Variants in RORA observed in about 807,000 individuals in gnomAD.
The protein encoded by RORA is RAR related orphan receptor A.
A neutral mutation model predicts 69.5 loss-of-function variants in RORA; 7 were observed. That is an observed-to-expected ratio of 0.10 (90% CI 0.06 to 0.19). The LOEUF is 0.19. RORA is among the 10% of genes least tolerant of loss of function. The probability of loss-of-function intolerance (pLI) is 1.00; values close to 1 mark genes in which losing one functional copy is unlikely to be tolerated. For synonymous variants in RORA, 261 were observed against 240.8 expected, an observed-to-expected ratio of 1.08 and a Z score of -0.78; for missense variants, 457 against 663.0, an observed-to-expected ratio of 0.69 and a Z score of 3.41.
chr15:60,739,918 CT>C (rs1320533474), intron 1 of RORA, among the ~76,000 whole-genome samples: 1 of 152,126 alleles, frequency 6.6e-6, no homozygotes, highest in Non-Finnish European at 1.5e-5. Flanking sequence ...GAAAGAAACA[CT>C]CAGCTTGCCC....
At chr15:60,592,332 C>T (rs2140524542) in intron 2 of RORA, 2 of 1,300,606 alleles carry the variant, frequency 1.5e-6, no homozygotes, top group South Asian at 1.8e-5. Context: ...GCGCCCTCCT[C>T]CCCGCCCCCC....
chr15:60,883,240 C>T (rs137927367), intron 1 of RORA, among the ~76,000 whole-genome samples: 7 of 150,678 alleles, frequency 4.6e-5, no homozygotes, highest in African/African-American at 9.8e-5. Flanking sequence ...TATTTATTGC[C>T]GGTGTGAGCA....
intron 1 of RORA, among the ~76,000 whole-genome samples, chr15:60,938,114 A>C (rs1382289635): frequency 1.3e-5 from 2 of 152,228 alleles, no homozygotes; most frequent in South Asian, 2.1e-4. Context: ...TGTTGCCCTA[A>C]AGGGAGTGAA....
intron 2 of RORA, among the ~76,000 whole-genome samples, chr15:60,643,601 A>G (rs2069983599): frequency 6.6e-6 from 1 of 152,202 alleles, no homozygotes; most frequent in Non-Finnish European, 1.5e-5. Flanking sequence ...TTTTCTACCT[A>G]TGCCTTCCAG....
At chr15:60,845,068 T>C (rs1025237080) in intron 1 of RORA, among the ~76,000 whole-genome samples, 2 of 152,096 alleles carry the variant, frequency 1.3e-5, no homozygotes, top group Non-Finnish European at 2.9e-5. Context: ...CTAAATATTA[T>C]AGTTAAAGTG....
intron 1 of RORA, among the ~76,000 whole-genome samples, chr15:60,758,357 G>A (rs970770415): frequency 2.0e-5 from 3 of 152,138 alleles, no homozygotes; most frequent in African/African-American, 4.8e-5. Flanking sequence ...GCCAGGTCTC[G>A]AGCACAGTAC....
chr15:60,815,960 GTATA>G (rs1567200663), intron 1 of RORA, among the ~76,000 whole-genome samples: 187 of 144,490 alleles, frequency 1.3e-3, no homozygotes, highest in African/African-American at 4.4e-3. Flanking sequence ...ACTATAAATA[GTATA>G]TGTATTTATT....
At chr15:61,001,976 A>T (rs1435639822) in intron 1 of RORA, among the ~76,000 whole-genome samples, 1 of 152,210 alleles carries the variant, frequency 6.6e-6, no homozygotes, top group African/African-American at 2.4e-5. Flanking sequence ...CTTCAAACAG[A>T]GCGTGGCCCA....
intron 1 of RORA, among the ~76,000 whole-genome samples, chr15:60,796,200 G>C (rs1469035144): frequency 6.6e-6 from 1 of 152,162 alleles, no homozygotes; most frequent in African/African-American, 2.4e-5. Context: ...ATCACAGTGA[G>C]GGTGGTATTC....
chr15:61,177,544 A>G (rs2079640761), intron 1 of RORA, among the ~76,000 whole-genome samples: 1 of 152,216 alleles, frequency 6.6e-6, no homozygotes, highest in South Asian at 2.1e-4. Context: ...CTTCCATCAC[A>G]TAACTGTTCG....
At chr15:61,007,917 G>A (rs919677298) in intron 1 of RORA, among the ~76,000 whole-genome samples, 3 of 150,080 alleles carry the variant, frequency 2.0e-5, no homozygotes, top group South Asian at 2.1e-4. Context: ...TAGAAAATTA[G>A]GATAAAAGAA....
At chr15:60,592,950 A>G (rs1370217426) in intron 2 of RORA, 2 of 455,070 alleles carry the variant, frequency 4.4e-6, no homozygotes, top group South Asian at 3.1e-5. Flanking sequence ...GGGGCGATAA[A>G]TGCGCCAGCT....
chr15:60,797,505 TCA>T (rs2072515273), intron 1 of RORA, among the ~76,000 whole-genome samples: 1 of 152,146 alleles, frequency 6.6e-6, no homozygotes, highest in Non-Finnish European at 1.5e-5. Flanking sequence ...CAATCACATC[TCA>T]TGGCAGCTCA....
intron 1 of RORA, among the ~76,000 whole-genome samples, chr15:61,159,297 C>T (rs1030879283): frequency 1.3e-5 from 2 of 152,148 alleles, no homozygotes; most frequent in Admixed American, 6.5e-5. Context: ...TTCCTATTTA[C>T]CCATCTACCC....
At chr15:60,948,830 G>C (rs1449791035) in intron 1 of RORA, among the ~76,000 whole-genome samples, 1 of 152,150 alleles carries the variant, frequency 6.6e-6, no homozygotes. Context: ...CTAGAAACTA[G>C]AACCTGTTTC....
chr15:60,829,533 C>T (rs574797301), intron 1 of RORA, among the ~76,000 whole-genome samples: 2 of 152,340 alleles, frequency 1.3e-5, no homozygotes, highest in East Asian at 3.9e-4. Flanking sequence ...AAACTTCACA[C>T]ATCTGGAGGC....
chr15:60,844,993 C>T (rs769679818), intron 1 of RORA, among the ~76,000 whole-genome samples: 18 of 152,022 alleles, frequency 1.2e-4, no homozygotes, highest in Non-Finnish European at 1.0e-4. Flanking sequence ...AAACCAAACC[C>T]ACCCTTGTTT....
chr15:61,223,314 CAAAAA>C (rs10685041), intron 1 of RORA, among the ~76,000 whole-genome samples: 8 of 96,256 alleles, frequency 8.3e-5, no homozygotes, highest in African/African-American at 1.3e-4. Context: ...GACTCTGTCT[CAAAAA>C]AAAAAAAAAA....
intron 2 of RORA, among the ~76,000 whole-genome samples, chr15:60,647,539 A>C (rs2070068867): frequency 6.6e-6 from 1 of 152,208 alleles, no homozygotes; most frequent in African/African-American, 2.4e-5. Flanking sequence ...CCAAGGCAGG[A>C]GTGAGGAGGT....
Sources: allele counts gnomAD v4.1 joint callset (sites outside exome capture counted in the v4.1 genomes callset), GRCh38; gene constraint gnomAD v4.1.1; transcripts MANE v1.5; gene names NCBI Gene and HGNC (gene_info 2026-07-23, HGNC 2026-07-21).